BRAF: variants seen among roughly 807,000 people sequenced by gnomAD.
The protein encoded by BRAF is B-Raf proto-oncogene, serine/threonine kinase, also known as serine/threonine-protein kinase B-raf.
Under a neutral mutation model 104.6 loss-of-function variants are expected in BRAF, and 16 were observed. The ratio of observed to expected loss-of-function variants is 0.15; its 90% CI spans 0.10 to 0.23. The LOEUF (loss-of-function observed/expected upper bound fraction) is 0.23. Among genes scored for constraint, BRAF ranks in the 10% least tolerant of loss-of-function variants. The pLI is 1.00. For synonymous variants in BRAF, 310 were observed against 341.6 expected, an observed-to-expected ratio of 0.91 and a Z score of 1.02; for missense variants, 541 against 937.3, an observed-to-expected ratio of 0.58 and a Z score of 5.52.
intron 3 of BRAF, among the ~76,000 whole-genome samples, chr7:140,830,735 A>G (rs1806636324): frequency 6.6e-6 from 1 of 152,180 alleles, no homozygotes; most frequent in East Asian, 1.9e-4. Context: ...CTGAAATGCA[A>G]TGTTCCTAGA....
At chr7:140,746,182 GA>G in intron 17 of BRAF, among the ~76,000 whole-genome samples, 1 of 152,264 alleles carries the variant, frequency 6.6e-6, no homozygotes, top group South Asian at 2.1e-4. Flanking sequence ...TAATACACTT[GA>G]AATAACAGAT....
At chr7:140,873,654 C>T (rs1174449482) in intron 1 of BRAF, among the ~76,000 whole-genome samples, 2 of 152,294 alleles carry the variant, frequency 1.3e-5, no homozygotes, top group Admixed American at 1.3e-4. Flanking sequence ...ACACTTTCCA[C>T]ACTCCACTAG....
intron 12 of BRAF, among the ~76,000 whole-genome samples, chr7:140,778,816 A>T (rs781674455): frequency 1.8e-4 from 27 of 152,248 alleles, no homozygotes; most frequent in Middle Eastern, 3.4e-3. Context: ...ACTACTTTGT[A>T]ACATTGTTGG....
In BRAF at chr7:140,724,193, G is replaced by A; in HGVS notation, c.*2301C>T. 1 of 1,056,498 alleles carries A rather than the reference G, an allele frequency of 9.5e-7. No homozygotes were observed. Among genetic ancestry groups the A allele is most frequent in the Non-Finnish European group, 1.1e-6 (1 of 873,854 alleles). 65.4% of individuals were successfully genotyped at this position (1,056,498 alleles called of 1,614,324 possible). A position where few individuals can be genotyped will look rare whatever the true frequency, so the allele number is the denominator to read the frequency against. ...TGAAATGCTAAGCTTCCTCCCTAAT[G>A]GTACCGCCCCTGCCCCTGCCCCACG... On this transcript the variant is annotated 3_prime_UTR_variant, in exon 20 of 20. Coordinates refer to ENST00000644969, the MANE Select transcript of BRAF (RefSeq NM_001374258.1).
Position 140,720,387 on chromosome 7 carries a change from T to C in BRAF, c.*6107A>G. ...GGGACAGCACAGAGACATACACCCC[T>C]GTATGTAAACTAACATAACATGAAG... On this transcript the variant is annotated 3_prime_UTR_variant, in exon 20 of 20. Transcript: ENST00000644969. The C allele has an allele frequency of 1.9e-6, 2 of 1,062,320 alleles. No individual in the cohort carries two copies. Among genetic ancestry groups the C allele is most frequent in the Non-Finnish European group, 1.1e-6 (1 of 877,430 alleles). The allele number at this position is 1,062,320 out of a possible 1,614,324, so 65.8% of individuals were successfully genotyped here. A position where few individuals can be genotyped will look rare whatever the true frequency, so the allele number is the denominator to read the frequency against.
intron 5 of BRAF, among the ~76,000 whole-genome samples, chr7:140,802,337 G>A (rs955984307): frequency 1.6e-5 from 2 of 129,002 alleles, no homozygotes; most frequent in African/African-American, 3.1e-5. Flanking sequence ...TGGCTCTGTC[G>A]CCCAGGCTGG....
At chr7:140,895,010 C>A (rs376349407) in intron 1 of BRAF, among the ~76,000 whole-genome samples, 4 of 152,130 alleles carry the variant, frequency 2.6e-5, no homozygotes, top group African/African-American at 9.7e-5. Flanking sequence ...GATACCAAAA[C>A]CATGGAACAG....
intron 10 of BRAF, among the ~76,000 whole-genome samples, chr7:140,784,481 A>T (rs1465816006): frequency 6.6e-6 from 1 of 152,178 alleles, no homozygotes; most frequent in Non-Finnish European, 1.5e-5. Context: ...TCACTACTGT[A>T]TGACTTCCAT....
intron 1 of BRAF, among the ~76,000 whole-genome samples, chr7:140,899,380 C>T (rs1815337099): frequency 6.6e-6 from 1 of 152,138 alleles, no homozygotes; most frequent in African/African-American, 2.4e-5. Flanking sequence ...CTAGGGCAAA[C>T]GCCTAAGAGT....
At position 140,725,861 on chromosome 7, in the gene BRAF, CCTTTT is replaced by C; in HGVS notation, c.*628_*632del. Reference sequence around the variant, plus strand: ...AGGTCAGGAAGAAGATGCAGCATGCCCTTTTCCTCCATACCAAGACACATCTACTC... The same window carrying C: ...AGGTCAGGAAGAAGATGCAGCATGCCCCTCCATACCAAGACACATCTACTC... On this transcript the variant is annotated 3_prime_UTR_variant, in exon 20 of 20. Transcript: ENST00000644969. 1 of 1,062,894 alleles carries C rather than the reference CCTTTT, an allele frequency of 9.4e-7. No homozygotes were observed. Among genetic ancestry groups the C allele is most frequent in the Non-Finnish European group, 1.1e-6 (1 of 877,866 alleles). 65.8% of individuals were successfully genotyped at this position (1,062,894 alleles called of 1,614,324 possible).
At chr7:140,800,631 T>G in intron 6 of BRAF, 150 bp from the exon 7 acceptor site, 1 of 1,296,154 alleles carries the variant, frequency 7.7e-7, no homozygotes, top group African/African-American at 1.5e-5. Context: ...TCTAAAGGCT[T>G]ATTTTAAAAA....
At chr7:140,742,934 A>G (rs1245887364) in intron 17 of BRAF, among the ~76,000 whole-genome samples, 2 of 152,170 alleles carry the variant, frequency 1.3e-5, no homozygotes, top group Admixed American at 1.3e-4. Context: ...ACACTTCTCA[A>G]AAGAAGACAT....
At chr7:140,813,105 A>G (rs1394333049) in intron 3 of BRAF, among the ~76,000 whole-genome samples, 1 of 152,214 alleles carries the variant, frequency 6.6e-6, no homozygotes, top group Non-Finnish European at 1.5e-5. Flanking sequence ...TTAAAAGTGA[A>G]GTAAAAAGAC....
intron 7 of BRAF, chr7:140,799,786 A>C (rs1802894975): frequency 4.2e-6 from 1 of 238,818 alleles, no homozygotes; most frequent in Non-Finnish European, 8.2e-6. Flanking sequence ...GTAGATTATA[A>C]TTATATACTA....
At chr7:140,772,049 A>T (rs1017817138) in intron 14 of BRAF, among the ~76,000 whole-genome samples, 2 of 152,178 alleles carry the variant, frequency 1.3e-5, no homozygotes, top group Non-Finnish European at 2.9e-5. Flanking sequence ...TAGGTATGTA[A>T]GGAATTCCAT....
At chr7:140,896,606 C>T (rs1814931657) in intron 1 of BRAF, among the ~76,000 whole-genome samples, 1 of 151,956 alleles carries the variant, frequency 6.6e-6, no homozygotes, top group Non-Finnish European at 1.5e-5. Flanking sequence ...TGGCTCACGT[C>T]TGTAATCCCA....
Position 140,834,523 on chromosome 7 carries a change from GAAGT to G in BRAF, c.504+82_504+85del, listed in dbSNP as rs571456666. ...CTCTATTTGCATGACCTCTGAGTAT[GAAGT>G]AATAATATATTAATTTTCAACAACT... On this transcript the variant is annotated intron_variant, in intron 3 of 19. Coordinates refer to ENST00000644969, the MANE Select transcript of BRAF (RefSeq NM_001374258.1). The G allele has an allele frequency of 2.3e-5, 35 of 1,544,582 alleles. 1 individual carries two copies. The Middle Eastern group carries it at 5.2e-4, about 23-fold the overall frequency.
At chr7:140,767,702 A>G (rs554504180) in intron 14 of BRAF, among the ~76,000 whole-genome samples, 11 of 152,302 alleles carry the variant, frequency 7.2e-5, no homozygotes, top group African/African-American at 1.7e-4. Context: ...AAGGGACTGA[A>G]TAAGTTGGGG....
At chr7:140,887,170 G>A (rs568739404) in intron 1 of BRAF, among the ~76,000 whole-genome samples, 1 of 152,294 alleles carries the variant, frequency 6.6e-6, no homozygotes, top group East Asian at 1.9e-4. Context: ...CAGATAAGCA[G>A]GCTGCTGAGA....
Sources: gnomAD v4.1 joint callset for allele counts (sites outside exome capture counted in the v4.1 genomes callset) on GRCh38, gnomAD v4.1.1 for gene constraint, MANE v1.5 for transcripts, NCBI Gene and HGNC (gene_info 2026-07-23, HGNC 2026-07-21) for gene names.